Variants in TNRC6C observed in about 807,000 individuals in gnomAD.
TNRC6C encodes the protein trinucleotide repeat containing adaptor 6C.
In TNRC6C, 20 loss-of-function variants were observed where a neutral mutation model predicts 153.7. The observed-to-expected ratio is 0.13, with a 90% CI of 0.09 to 0.19. TNRC6C has a LOEUF of 0.19. Ranked by LOEUF, TNRC6C falls within the 10% of genes least tolerant of loss-of-function variation. The pLI is 1.00. For synonymous variants in TNRC6C, 811 were observed against 841.4 expected (o/e 0.96, Z 0.63); for missense variants, 1,987 against 2,172.0 (o/e 0.91, Z 1.69).
chr17:78,104,773 C>A lies in TNRC6C; in HGVS notation c.5001C>A (p.Ser1667Arg). The A allele has an allele frequency of 6.8e-7, 1 of 1,475,932 alleles. No homozygotes were observed. 91.4% of individuals were successfully genotyped at this position (1,475,932 alleles called of 1,614,324 possible). Reference sequence around the variant, plus strand: ...GGGGCCCGCCCAGCGCCGACGACAGCAGGGTGATAGGCAGCCCCACGCCGC... The same window carrying A: ...GGGGCCCGCCCAGCGCCGACGACAGAAGGGTGATAGGCAGCCCCACGCCGC... The change falls in exon 20 of 20, where the codon AGC becomes AGA. Residue 1667 changes from serine (S) to arginine (R), a missense_variant. This residue lies in a region of TNRC6C where 139 missense variants were observed against 148.5 expected (regional missense o/e 0.94). Coordinates refer to ENST00000301624, the Ensembl canonical transcript of TNRC6C. The surrounding 1 kb of genome is among the most constrained non-coding windows in gnomAD (Gnocchi z 6.2).
intron 1 of TNRC6C, among the ~76,000 whole-genome samples, chr17:78,011,728 GTGTA>G: frequency 6.6e-6 from 1 of 152,272 alleles, no homozygotes; most frequent in East Asian, 1.9e-4. Flanking sequence ...CATATGATAG[GTGTA>G]TGTTTCATTT....
intron 1 of TNRC6C, among the ~76,000 whole-genome samples, chr17:77,996,533 C>T (rs549382362): frequency 1.4e-4 from 21 of 152,344 alleles, no homozygotes; most frequent in African/African-American, 4.8e-4. Flanking sequence ...GATTGGCCTA[C>T]TGTGAGTCTC....
intron 16 of TNRC6C, among the ~76,000 whole-genome samples, chr17:78,094,237 A>G (rs1022440436): frequency 4.6e-5 from 7 of 151,492 alleles, no homozygotes; most frequent in African/African-American, 1.7e-4. Flanking sequence ...ATGCTGCTGG[A>G]TTTATTGATA....
In TNRC6C at chr17:77,976,656, C is replaced by T. The variant is rs1468529814; in HGVS notation, c.-38+17388C>T. Among the ~76,000 whole-genome samples, 5 of 152,040 alleles carry T rather than the reference C, an allele frequency of 3.3e-5. No homozygotes were observed. The East Asian group carries it at 9.6e-4, about 29-fold the overall frequency. On this transcript the variant is annotated intron_variant, in intron 1 of 22. Coordinates refer to the TNRC6C transcript ENST00000636222. ...CATATATAAAACTTGGGGCCGGATA[C>T]GGTGGCTCATGCCTGTAATCCCAGC...
In TNRC6C at chr17:78,032,821, A is replaced by G. The variant is rs116177480; in HGVS notation, c.-219+979A>G. 9.0e-3 allele frequency among the ~76,000 whole-genome samples: 1,377 copies of G among 152,372 alleles called. 20 individuals carry two copies. The highest frequency in any genetic ancestry group is 0.031 in the African/African-American group (1,274 of 41,586). On this transcript the variant is annotated intron_variant, in intron 2 of 19. Coordinates refer to ENST00000301624, the Ensembl canonical transcript of TNRC6C. Reference sequence around the variant, plus strand: ...TTTTTCAAAACTGTGACTTTGTAGTATAGTCAGAACTAATATTTTTAGACA... The same window carrying G: ...TTTTTCAAAACTGTGACTTTGTAGTGTAGTCAGAACTAATATTTTTAGACA...
At chr17:78,056,435 G>A (rs2072655762) in intron 3 of TNRC6C, among the ~76,000 whole-genome samples, 1 of 151,162 alleles carries the variant, frequency 6.6e-6, no homozygotes, top group African/African-American at 2.4e-5. Context: ...TGGGATTACA[G>A]GCATGAACCA....
At chr17:78,073,714 T>A (rs1439302624) in intron 7 of TNRC6C, among the ~76,000 whole-genome samples, 1 of 152,184 alleles carries the variant, frequency 6.6e-6, no homozygotes, top group Non-Finnish European at 1.5e-5. Context: ...TCACAACATT[T>A]TTGTCAACCA....
intron 1 of TNRC6C, among the ~76,000 whole-genome samples, chr17:78,019,881 A>G (rs1294183107): frequency 1.3e-5 from 2 of 152,164 alleles, no homozygotes; most frequent in African/African-American, 2.4e-5. Flanking sequence ...GATTGCTTTG[A>G]TGCCCTGGTT....
At chr17:78,016,245 G>A (rs1384960130) in intron 1 of TNRC6C, among the ~76,000 whole-genome samples, 2 of 152,326 alleles carry the variant, frequency 1.3e-5, no homozygotes, top group East Asian at 3.9e-4. Flanking sequence ...AGCCACAAAA[G>A]GAGCGATTGG....
At position 78,035,209 on chromosome 17, in the gene TNRC6C, A is replaced by G. The variant is rs192981829; in HGVS notation, c.-219+3367A>G. On this transcript the variant is annotated intron_variant, in intron 2 of 19. Coordinates refer to ENST00000301624, the Ensembl canonical transcript of TNRC6C. Reference sequence around the variant, plus strand: ...TTCAGGAACACTGTCCCATGTTGTTACGGTGTTGGCACAGGGATTGTAGGT... The same window carrying G: ...TTCAGGAACACTGTCCCATGTTGTTGCGGTGTTGGCACAGGGATTGTAGGT... Among the ~76,000 whole-genome samples the G allele has an allele frequency of 2.0e-5, 3 of 152,266 alleles. No homozygotes were observed. In the East Asian group the frequency reaches 5.8e-4, roughly 29 times the overall value.
chr17:78,006,827 TA>T (rs10552029), intron 1 of TNRC6C, among the ~76,000 whole-genome samples: 17 of 146,198 alleles, frequency 1.2e-4, no homozygotes, highest in African/African-American at 2.1e-4. Flanking sequence ...TTTATTTATT[TA>T]TTTTTTTTTT....
upstream of TNRC6C, among the ~76,000 whole-genome samples, chr17:77,999,386 C>T (rs1357268242): frequency 6.6e-6 from 1 of 152,202 alleles, no homozygotes; most frequent in Non-Finnish European, 1.5e-5. Flanking sequence ...ACACAGATTG[C>T]CTTCCCTACA....
Position 78,071,073 on chromosome 17 carries a change from A to T in TNRC6C, c.2779-12A>T. Reference sequence around the variant, plus strand: ...GCTCATGGACTTCCCCCTTTCCCACACTTTGTTCAAGGGCATGAAGACGTC... The same window carrying T: ...GCTCATGGACTTCCCCCTTTCCCACTCTTTGTTCAAGGGCATGAAGACGTC... On this transcript the variant is annotated splice_polypyrimidine_tract_variant and intron_variant, in intron 5 of 19. Coordinates refer to ENST00000301624, the Ensembl canonical transcript of TNRC6C. 4 of 1,594,178 alleles carry T rather than the reference A, an allele frequency of 2.5e-6. No homozygotes were observed. Among genetic ancestry groups the T allele is most frequent in the Non-Finnish European group, 3.4e-6 (4 of 1,170,076 alleles).
intron 13 of TNRC6C, among the ~76,000 whole-genome samples, chr17:78,087,715 C>G (rs1372281113): frequency 6.6e-6 from 1 of 152,142 alleles, no homozygotes. Context: ...GTTGTTGATA[C>G]AACTCATTTT....
chr17:77,986,434 AG>A (rs979643563), intron 1 of TNRC6C, among the ~76,000 whole-genome samples: 7 of 151,172 alleles, frequency 4.6e-5, no homozygotes, highest in Admixed American at 2.0e-4. Flanking sequence ...AAAAAGAAGA[AG>A]AAGAAATGAC....
chr17:78,054,858 A>G lies in TNRC6C; in HGVS notation c.2395+3401A>G, dbSNP rs571199901. ...CATACACCACTGCAGACTACTGTAC[A>G]CTACCATACACCACTGCAGACTACT... On this transcript the variant is annotated intron_variant, in intron 3 of 19. Coordinates refer to ENST00000301624, the Ensembl canonical transcript of TNRC6C. 7.8e-4 allele frequency among the ~76,000 whole-genome samples: 118 copies of G among 151,042 alleles called. No homozygotes were observed. In the South Asian group the frequency reaches 0.014, roughly 18 times the overall value.
At chr17:78,085,313 A>G (rs545916736) in intron 11 of TNRC6C, among the ~76,000 whole-genome samples, 2 of 152,340 alleles carry the variant, frequency 1.3e-5, no homozygotes, top group South Asian at 4.1e-4. Context: ...AAAACAATGT[A>G]TTCTGTTCTT....
intron 11 of TNRC6C, among the ~76,000 whole-genome samples, chr17:78,084,686 T>G (rs2073247882): frequency 6.7e-6 from 1 of 150,182 alleles, no homozygotes; most frequent in Non-Finnish European, 1.5e-5. Flanking sequence ...TGGAGTGCAG[T>G]GGCACGATCA....
intron 1 of TNRC6C, among the ~76,000 whole-genome samples, chr17:78,018,411 G>A (rs973604187): frequency 3.3e-5 from 5 of 152,192 alleles, no homozygotes; most frequent in African/African-American, 1.2e-4. Context: ...TTATAGGCGT[G>A]AGCCACCATG....
Sources: allele counts gnomAD v4.1 joint callset (sites outside exome capture counted in the v4.1 genomes callset), GRCh38; gene constraint gnomAD v4.1.1; regional missense constraint gnomAD v4.1.1; non-coding constraint Gnocchi (gnomAD v3.1); transcripts MANE v1.5; gene names NCBI Gene and HGNC (gene_info 2026-07-23, HGNC 2026-07-21).